Variants in ANGPT1 observed in about 807,000 individuals in gnomAD.
ANGPT1 encodes the protein angiopoietin 1.
Under a neutral mutation model 62.2 loss-of-function variants are expected in ANGPT1, and 17 were observed. The observed-to-expected ratio is 0.27, with a 90% CI of 0.19 to 0.41. ANGPT1 has a LOEUF of 0.41. Among genes scored for constraint, ANGPT1 ranks in the 10% least tolerant of loss-of-function variants. The pLI, the probability that ANGPT1 is intolerant of heterozygous loss-of-function variation, is 1.00. For synonymous variants in ANGPT1, 199 were observed against 198.9 expected (o/e 1.00, Z 0.00); for missense variants, 478 against 594.9 (o/e 0.80, Z 2.04).
chr8:107,456,127 T>G (rs1198795997), intron 1 of ANGPT1, among the ~76,000 whole-genome samples: 2 of 152,018 alleles, frequency 1.3e-5, no homozygotes, highest in East Asian at 3.9e-4. Context: ...TTGAAAAAAC[T>G]TATTACAGGC....
At chr8:107,489,208 A>C (rs1586365554) in intron 1 of ANGPT1, among the ~76,000 whole-genome samples, 1 of 152,304 alleles carries the variant, frequency 6.6e-6, no homozygotes, top group African/African-American at 2.4e-5. Flanking sequence ...TTATAGGTAC[A>C]TATTACTAGT....
chr8:107,339,313 A>G (rs1815644535), intron 2 of ANGPT1, among the ~76,000 whole-genome samples: 3 of 152,204 alleles, frequency 2.0e-5, no homozygotes, highest in Admixed American at 2.0e-4. Flanking sequence ...CAAAGCCCTC[A>G]GCCTGGTCTG....
Position 107,497,630 on chromosome 8 carries a change from C to A in ANGPT1, c.-72G>T. The A allele has an allele frequency of 6.9e-7, 1 of 1,455,932 alleles. No homozygotes were observed. Among genetic ancestry groups the A allele is most frequent in the Non-Finnish European group, 9.2e-7 (1 of 1,085,270 alleles). The allele number at this position is 1,455,932 out of a possible 1,614,324, so 90.2% of individuals were successfully genotyped here. The stretch of plus-strand genomic sequence containing the variant: ...TTTCTTCTGACCTCTAAAACTAGTT[C>A]TTTATTTCAGGTAAAACTGCTTGTT... On this transcript the variant is annotated 5_prime_UTR_variant, in exon 1 of 9. Transcript: ENST00000517746.
rs144966393 is a variant in ANGPT1 at position 107,326,421 on chromosome 8, T to C, written c.576-4293A>G. ...CTTTATTTATTAGGGACATTTTTCATATTAATGACAACTTTTTAGACTTCT... is the reference window on the plus strand; with the variant it reads ...CTTTATTTATTAGGGACATTTTTCACATTAATGACAACTTTTTAGACTTCT... On this transcript the variant is annotated intron_variant, in intron 3 of 8. Transcript: ENST00000517746. 1.3e-4 allele frequency among the ~76,000 whole-genome samples: 20 copies of C among 152,292 alleles called. No individual in the cohort carries two copies. The East Asian group carries it at 3.9e-3, about 29-fold the overall frequency.
At chr8:107,385,367 T>C (rs1816713166) in intron 1 of ANGPT1, among the ~76,000 whole-genome samples, 1 of 152,064 alleles carries the variant, frequency 6.6e-6, no homozygotes, top group African/African-American at 2.4e-5. Context: ...AGCTGTATTC[T>C]AGGTATTTAA....
intron 1 of ANGPT1, among the ~76,000 whole-genome samples, chr8:107,356,518 G>A (rs1284916926): frequency 6.6e-6 from 1 of 152,110 alleles, no homozygotes; most frequent in Non-Finnish European, 1.5e-5. Context: ...GAATATAGAA[G>A]GGAGGGCATA....
At chr8:107,393,810 A>AAAAC (rs979423768) in intron 1 of ANGPT1, among the ~76,000 whole-genome samples, 17 of 152,272 alleles carry the variant, frequency 1.1e-4, no homozygotes, top group East Asian at 7.7e-4. Context: ...ACTCCATCTC[A>AAAAC]AAACAAACAA....
chr8:107,403,561 G>T (rs1469585262), intron 1 of ANGPT1, among the ~76,000 whole-genome samples: 1 of 151,562 alleles, frequency 6.6e-6, no homozygotes. Context: ...AGTATCACAT[G>T]AAAAAAAATC....
At chr8:107,432,483 T>C (rs1372661130) in intron 1 of ANGPT1, among the ~76,000 whole-genome samples, 1 of 152,090 alleles carries the variant, frequency 6.6e-6, no homozygotes, top group African/African-American at 2.4e-5. Flanking sequence ...GCTAACGTAG[T>C]GAAACCCTGT....
chr8:107,444,023 G>A (rs796451088), intron 1 of ANGPT1, among the ~76,000 whole-genome samples: 1 of 152,138 alleles, frequency 6.6e-6, no homozygotes, highest in East Asian at 1.9e-4. Flanking sequence ...CATTAAATGT[G>A]TTCAAGAAGA....
chr8:107,445,899 TTTAA>T (rs766890931), intron 1 of ANGPT1, among the ~76,000 whole-genome samples: 12 of 152,150 alleles, frequency 7.9e-5, no homozygotes, highest in South Asian at 4.1e-4. Context: ...ATGTTTATTA[TTTAA>T]TTAATTAATT....
At chr8:107,441,449 G>A (rs1488509961) in intron 1 of ANGPT1, among the ~76,000 whole-genome samples, 3 of 152,088 alleles carry the variant, frequency 2.0e-5, no homozygotes, top group East Asian at 3.9e-4. Flanking sequence ...ATTGCACTAA[G>A]TCTCTTGCTC....
intron 1 of ANGPT1, among the ~76,000 whole-genome samples, chr8:107,360,699 G>A (rs1816143645): frequency 6.6e-6 from 1 of 152,132 alleles, no homozygotes; most frequent in Admixed American, 6.6e-5. Context: ...AATGGCATTT[G>A]AGTTGCCATC....
chr8:107,322,076 C>A lies in ANGPT1; in HGVS notation c.628G>T (p.Asp210Tyr). 1 of 1,613,868 alleles carries A rather than the reference C, an allele frequency of 6.2e-7. No individual in the cohort carries two copies. The highest frequency in any genetic ancestry group is 8.5e-7 in the Non-Finnish European group (1 of 1,179,880). ...TTCTCTTTCTCTTCCTTTAAGGTGT[C>A]CAACTCTTCCTTGTGTTTTCCTTCC... Reference protein sequence around the residue: ...EMEGKHKEELDTLKEEKENLQ... With the variant: ...EMEGKHKEELYTLKEEKENLQ... The change falls in exon 4 of 9, where the codon GAC (aspartate) becomes TAC (tyrosine). Residue 210 changes from aspartate (D) to tyrosine (Y), a missense_variant. Physicochemically the swap from Asp to Tyr is radical, Grantham distance 160 (BLOSUM62 -3). This residue lies in a region of ANGPT1 where 343 missense variants were observed against 355.4 expected (regional missense o/e 0.97). Coordinates refer to ENST00000517746, the MANE Select transcript of ANGPT1 (RefSeq NM_001146.5).
chr8:107,323,878 C>A (rs939824948), intron 3 of ANGPT1, among the ~76,000 whole-genome samples: 22 of 152,204 alleles, frequency 1.4e-4, no homozygotes, highest in African/African-American at 3.6e-4. Flanking sequence ...CTCCTGGGTT[C>A]ACGCCATTCT....
chr8:107,276,625 AT>A (rs1312638354), intron 7 of ANGPT1, among the ~76,000 whole-genome samples: 1 of 22,274 alleles, frequency 4.5e-5, no homozygotes, highest in Non-Finnish European at 9.7e-5. Flanking sequence ...TACTTTAATG[AT>A]TTAAAAAAAA....
intron 1 of ANGPT1, among the ~76,000 whole-genome samples, chr8:107,457,196 G>T (rs942126916): frequency 6.6e-6 from 1 of 151,992 alleles, no homozygotes; most frequent in African/African-American, 2.4e-5. Context: ...ATTGATACAT[G>T]TCACTACATA....
At chr8:107,256,112 T>C (rs1398926746) in intron 8 of ANGPT1, among the ~76,000 whole-genome samples, 2 of 152,196 alleles carry the variant, frequency 1.3e-5, no homozygotes, top group African/African-American at 4.8e-5. Flanking sequence ...ATCTTAAGAC[T>C]AGTGGGCCAT....
chr8:107,316,886 T>G (rs1189030184), intron 4 of ANGPT1, among the ~76,000 whole-genome samples: 1 of 152,204 alleles, frequency 6.6e-6, no homozygotes. Flanking sequence ...GATCAATGAT[T>G]TCCAGCTTTG....
Sources: allele counts gnomAD v4.1 joint callset (sites outside exome capture counted in the v4.1 genomes callset), GRCh38; gene constraint gnomAD v4.1.1; regional missense constraint gnomAD v4.1.1; transcripts MANE v1.5; gene names NCBI Gene and HGNC (gene_info 2026-07-23, HGNC 2026-07-21).